CNTN3: variants seen among roughly 807,000 people sequenced by gnomAD.
CNTN3 encodes contactin-3.
CNTN3 carries 60 observed loss-of-function variants against 119.1 expected under a neutral mutation model. The ratio of observed to expected loss-of-function variants is 0.50; its 90% CI spans 0.41 to 0.62. The LOEUF is 0.62. CNTN3 is among the 20% of genes least tolerant of loss of function. The pLI is 0.00. For missense variants in CNTN3, 1,101 were observed against 1,242.4 expected, an observed-to-expected ratio of 0.89 and a Z score of 1.71; for synonymous variants, 450 against 438.7, an observed-to-expected ratio of 1.03 and a Z score of -0.32.
chr3:74,405,250 A>T (rs1227728388), intron 5 of CNTN3, among the ~76,000 whole-genome samples: 1 of 152,082 alleles, frequency 6.6e-6, no homozygotes, highest in East Asian at 1.9e-4. Flanking sequence ...TTCCACACTC[A>T]TCGATAATCT....
At chr3:74,600,811 G>A (rs1013038457) in intron 1 of CNTN3, among the ~76,000 whole-genome samples, 3 of 151,982 alleles carry the variant, frequency 2.0e-5, no homozygotes, top group East Asian at 1.9e-4. Flanking sequence ...AGCATGCCAG[G>A]CCAGATTTTT....
At chr3:74,521,217 T>C (rs1319780274) in intron 1 of CNTN3, 25 bp from the exon 2 acceptor site, 2 of 452,360 alleles carry the variant, frequency 4.4e-6, no homozygotes, top group Non-Finnish European at 7.5e-6. Context: ...TACAAAGAAG[T>C]TCGTTAAAAA....
intron 4 of CNTN3, among the ~76,000 whole-genome samples, chr3:74,473,958 T>C (rs766977232): frequency 1.2e-4 from 19 of 152,274 alleles, no homozygotes; most frequent in South Asian, 4.1e-4. Context: ...TGAGAAACCA[T>C]TGGAGGTTTT....
Position 74,453,259 on chromosome 3 carries a change from C to T in CNTN3, c.359-28319G>A, listed in dbSNP as rs867936405. On this transcript the variant is annotated intron_variant, in intron 4 of 22. Transcript: ENST00000263665. ...TTTAGTCTTGGAAGAGTGTATGTGT[C>T]GAGGAATTTATCCATTTCTTCTAGA... Among the ~76,000 whole-genome samples the T allele has an allele frequency of 9.9e-5, 15 of 151,946 alleles. No homozygotes were observed. In the Middle Eastern group the frequency reaches 0.014, roughly 138 times the overall value.
At chr3:74,599,025 C>T (rs953549652) in intron 1 of CNTN3, among the ~76,000 whole-genome samples, 6 of 151,990 alleles carry the variant, frequency 3.9e-5, no homozygotes, top group Non-Finnish European at 8.8e-5. Context: ...AGCTACACTG[C>T]TCATTTGTTG....
At chr3:74,336,707 T>C (rs1373931900) in intron 11 of CNTN3, 49 bp from the exon 12 acceptor site, 1 of 1,455,640 alleles carries the variant, frequency 6.9e-7, no homozygotes, top group Admixed American at 2.0e-5. Context: ...GCCATTTTTT[T>C]TCCAAATGAA....
intron 1 of CNTN3, among the ~76,000 whole-genome samples, chr3:74,605,186 T>C (rs2106709974): frequency 6.6e-6 from 1 of 152,250 alleles, no homozygotes; most frequent in East Asian, 1.9e-4. Flanking sequence ...ACAGAATTTC[T>C]GTTGGACAAG....
intron 1 of CNTN3, among the ~76,000 whole-genome samples, chr3:74,604,260 T>A (rs1197017186): frequency 3.3e-5 from 5 of 152,144 alleles, no homozygotes; most frequent in Admixed American, 3.3e-4. Context: ...AGGCAATGAT[T>A]TTTTGGATAT....
chr3:74,366,223 T>C (rs1035830870), intron 8 of CNTN3, among the ~76,000 whole-genome samples: 1 of 152,082 alleles, frequency 6.6e-6, no homozygotes, highest in Non-Finnish European at 1.5e-5. Context: ...CCAGTGAGCA[T>C]CTTAAGAACC....
At chr3:74,332,699 C>T (rs1703294109) in intron 13 of CNTN3, among the ~76,000 whole-genome samples, 1 of 152,190 alleles carries the variant, frequency 6.6e-6, no homozygotes, top group South Asian at 2.1e-4. Context: ...GTAGCTAAGA[C>T]AGAGGAACCG....
intron 4 of CNTN3, among the ~76,000 whole-genome samples, chr3:74,472,538 TAAC>T (rs1702584428): frequency 6.6e-6 from 1 of 152,080 alleles, no homozygotes; most frequent in Non-Finnish European, 1.5e-5. Flanking sequence ...AAAAGGCAAA[TAAC>T]AAATATGTTT....
chr3:74,324,964 G>T (rs1200790606), intron 13 of CNTN3, among the ~76,000 whole-genome samples: 1 of 152,078 alleles, frequency 6.6e-6, no homozygotes, highest in East Asian at 1.9e-4. Context: ...CTCTTCAAAG[G>T]ACACATGAAG....
chr3:74,567,957 T>C (rs916001590), intron 1 of CNTN3, among the ~76,000 whole-genome samples: 26 of 152,224 alleles, frequency 1.7e-4, no homozygotes, highest in African/African-American at 5.8e-4. Flanking sequence ...AGTCATTCTC[T>C]GTAAACTGGG....
chr3:74,333,509 G>A (rs1281369650), intron 13 of CNTN3, among the ~76,000 whole-genome samples: 1 of 152,166 alleles, frequency 6.6e-6, no homozygotes, highest in Non-Finnish European at 1.5e-5. Flanking sequence ...TCTCCTCTGT[G>A]TCTGTGCTTC....
intron 9 of CNTN3, 93 bp downstream of exon 9, chr3:74,365,473 C>G: frequency 6.7e-7 from 1 of 1,497,900 alleles, no homozygotes; most frequent in South Asian, 1.2e-5. Flanking sequence ...TATTTTGGGA[C>G]TAGGGACTAA....
intron 4 of CNTN3, among the ~76,000 whole-genome samples, chr3:74,435,932 A>C (rs563568246): frequency 6.6e-6 from 1 of 152,260 alleles, no homozygotes; most frequent in African/African-American, 2.4e-5. Flanking sequence ...TCCTCTACAC[A>C]CAGAGTTCAG....
intron 11 of CNTN3, among the ~76,000 whole-genome samples, chr3:74,344,419 TTTTTTTTTTTTTTTTTTTTTTTTTGA>T (rs1703632714): frequency 7.2e-4 from 6 of 8,364 alleles, no homozygotes; most frequent in Admixed American, 2.9e-3. Flanking sequence ...TTTTTTTTTT[TTTTTTTTTTTTTTTTTTTTTTTTTGA>T]GACGGAGTCT....
At chr3:74,314,772 A>T (rs1702788360) in intron 13 of CNTN3, among the ~76,000 whole-genome samples, 1 of 152,196 alleles carries the variant, frequency 6.6e-6, no homozygotes, top group Admixed American at 6.5e-5. Flanking sequence ...GACTTAGTTG[A>T]CCTCAACAGT....
intron 19 of CNTN3, among the ~76,000 whole-genome samples, chr3:74,285,998 T>C (rs572035825): frequency 1.3e-5 from 2 of 151,962 alleles, no homozygotes; most frequent in South Asian, 4.2e-4. Context: ...ATGACATCAT[T>C]TTCTTTCTTA....
Sources: allele counts gnomAD v4.1 joint callset (sites outside exome capture counted in the v4.1 genomes callset), GRCh38; gene constraint gnomAD v4.1.1; transcripts MANE v1.5; gene names NCBI Gene and HGNC (gene_info 2026-07-23, HGNC 2026-07-21).